Variants in PARD3B observed in about 807,000 individuals in gnomAD.
PARD3B encodes the protein par-3 family cell polarity regulator beta, also known as partitioning defective 3 homolog B.
In PARD3B, 103 loss-of-function variants were observed where a neutral mutation model predicts 130.2. The ratio of observed to expected loss-of-function variants is 0.79; its 90% CI spans 0.67 to 0.93. PARD3B has a LOEUF of 0.93. Among genes scored for constraint, PARD3B ranks in the 40% least tolerant of loss-of-function variants. PARD3B has a pLI of 0.00. For synonymous variants in PARD3B, 583 were observed against 553.2 expected (o/e 1.05, Z -0.76); for missense variants, 1,609 against 1,499.2 (o/e 1.07, Z -1.21).
Position 205,572,069 on chromosome 2 carries a change from G to A in PARD3B, c.3260+18666G>A, listed in dbSNP as rs182205926. ...TGTTCTGAAGTTCTATGAGCATGAA[G>A]GTAGAGAGTTGAGTCTTCATTTATT... On this transcript the variant is annotated intron_variant, in intron 22 of 22. Transcript: ENST00000406610. This position sits in a 1 kb window ranked among gnomAD's most constrained non-coding sequence, Gnocchi z 4.2. Among the ~76,000 whole-genome samples the A allele has an allele frequency of 6.6e-6, 1 of 152,292 alleles. No homozygotes were observed. The highest frequency in any genetic ancestry group is 6.5e-5 in the Admixed American group (1 of 15,300).
chr2:205,412,858 C>T (rs1416582263), intron 19 of PARD3B, among the ~76,000 whole-genome samples: 1 of 152,114 alleles, frequency 6.6e-6, no homozygotes, highest in Admixed American at 6.6e-5. Context: ...AGAATTCTTC[C>T]ATTACCTATC....
chr2:205,193,453 A>G, intron 15 of PARD3B, 133 bp downstream of exon 15: 2 of 640,158 alleles, frequency 3.1e-6, no homozygotes, highest in Non-Finnish European at 2.8e-6. Context: ...GGAAGGGATA[A>G]TGGCCATCCC....
intron 20 of PARD3B, among the ~76,000 whole-genome samples, chr2:205,441,446 A>G (rs1260599445): frequency 6.6e-6 from 1 of 152,186 alleles, no homozygotes; most frequent in African/African-American, 2.4e-5. Flanking sequence ...CCTTGGAATT[A>G]CACATGCAAG....
At position 205,365,335 on chromosome 2, in the gene PARD3B, C is replaced by T. The variant is rs575256853; in HGVS notation, c.2631-35678C>T. 5.8e-4 allele frequency among the ~76,000 whole-genome samples: 88 copies of T among 151,512 alleles called. 1 individual carries two copies. Among genetic ancestry groups the T allele is most frequent in the African/African-American group, 2.0e-3 (84 of 41,338 alleles). ...TCAGTGAGCCAAGATTGCCCAAGAT[C>T]GCACCACTGCCCTCCAGCCTGGGCA... On this transcript the variant is annotated intron_variant, in intron 18 of 22. Coordinates refer to ENST00000406610, the MANE Select transcript of PARD3B (RefSeq NM_001302769.2).
At chr2:205,543,459 C>T (rs2052253808) in intron 21 of PARD3B, among the ~76,000 whole-genome samples, 1 of 152,096 alleles carries the variant, frequency 6.6e-6, no homozygotes, top group African/African-American at 2.4e-5. Flanking sequence ...TTTACACGTC[C>T]CATCGCATCA....
chr2:204,575,519 T>C (rs2032212726), intron 1 of PARD3B, among the ~76,000 whole-genome samples: 1 of 152,258 alleles, frequency 6.6e-6, no homozygotes, highest in African/African-American at 2.4e-5. Flanking sequence ...CTTCCATTCG[T>C]TGATACAGCT....
chr2:205,023,590 C>G (rs1193079511), intron 3 of PARD3B, among the ~76,000 whole-genome samples: 1 of 133,598 alleles, frequency 7.5e-6, no homozygotes, highest in African/African-American at 2.8e-5. Flanking sequence ...TGAGTCTGAC[C>G]TTGTTCGCAG....
chr2:205,608,420 T>A (rs2055098552), intron 22 of PARD3B, among the ~76,000 whole-genome samples: 1 of 152,204 alleles, frequency 6.6e-6, no homozygotes, highest in Admixed American at 6.5e-5. Context: ...TTCCTTTGGT[T>A]GCCATTCTCT....
intron 18 of PARD3B, among the ~76,000 whole-genome samples, chr2:205,379,428 A>T (rs2045219114): frequency 6.6e-6 from 1 of 152,010 alleles, no homozygotes; most frequent in African/African-American, 2.4e-5. Context: ...TCCAGAATGT[A>T]CCCATGTTCC....
intron 16 of PARD3B, among the ~76,000 whole-genome samples, chr2:205,255,432 C>T (rs115907696): frequency 0.011 from 1,640 of 152,268 alleles, 15 homozygotes; most frequent in Middle Eastern, 0.024. Context: ...GACCAGTTCT[C>T]CAGTGGACAG....
intron 2 of PARD3B, among the ~76,000 whole-genome samples, chr2:204,716,623 CTT>C (rs35183526): frequency 1.9e-3 from 191 of 98,090 alleles, no homozygotes; most frequent in Admixed American, 2.7e-3. Flanking sequence ...ACAGCAACTG[CTT>C]TTTTTTTTTT....
chr2:204,753,929 G>A (rs192771188), intron 2 of PARD3B, among the ~76,000 whole-genome samples: 86 of 152,114 alleles, frequency 5.7e-4, no homozygotes, highest in African/African-American at 1.4e-3. Flanking sequence ...AATAATTGGT[G>A]CAGTGTTATT....
At chr2:204,703,372 A>T (rs1158977104) in intron 2 of PARD3B, among the ~76,000 whole-genome samples, 6 of 152,236 alleles carry the variant, frequency 3.9e-5, no homozygotes, top group African/African-American at 1.4e-4. Flanking sequence ...GTAAAGATAA[A>T]TAAGATGCTT....
chr2:204,849,775 G>A (rs1288031220), intron 2 of PARD3B, among the ~76,000 whole-genome samples: 1 of 152,132 alleles, frequency 6.6e-6, no homozygotes, highest in East Asian at 1.9e-4. Context: ...TCTTACTCAT[G>A]ACTAGAGCTT....
chr2:204,984,298 G>A (rs1289507803), intron 3 of PARD3B, among the ~76,000 whole-genome samples: 1 of 152,122 alleles, frequency 6.6e-6, no homozygotes, highest in East Asian at 1.9e-4. Context: ...TCAATAGTCA[G>A]TTGAGACTAA....
intron 11 of PARD3B, among the ~76,000 whole-genome samples, chr2:205,159,406 T>G (rs1559496488): frequency 6.6e-6 from 1 of 152,202 alleles, no homozygotes; most frequent in African/African-American, 2.4e-5. Flanking sequence ...TTTTGTATAC[T>G]TAGAGAAGCT....
intron 2 of PARD3B, among the ~76,000 whole-genome samples, chr2:204,774,807 T>C (rs2041544050): frequency 6.6e-6 from 1 of 152,138 alleles, no homozygotes; most frequent in African/African-American, 2.4e-5. Context: ...TTGCTCAGTA[T>C]GCTTTCTGTC....
intron 2 of PARD3B, among the ~76,000 whole-genome samples, chr2:204,813,940 C>T (rs1427240823): frequency 1.3e-5 from 2 of 151,770 alleles, no homozygotes; most frequent in African/African-American, 4.8e-5. Flanking sequence ...TCATAATTGT[C>T]TTGGCTATTC....
At chr2:204,725,232 G>A in intron 2 of PARD3B, among the ~76,000 whole-genome samples, 1 of 152,122 alleles carries the variant, frequency 6.6e-6, no homozygotes, top group East Asian at 1.9e-4. Context: ...GACGTAAAAG[G>A]TAGTTTGGCA....
Sources: allele counts gnomAD v4.1 joint callset (sites outside exome capture counted in the v4.1 genomes callset), GRCh38; gene constraint gnomAD v4.1.1; non-coding constraint Gnocchi (gnomAD v3.1); transcripts MANE v1.5; gene names NCBI Gene and HGNC (gene_info 2026-07-23, HGNC 2026-07-21).